The following NRG3 variants were observed in gnomAD, a reference collection of about 807,000 sequenced individuals.
The protein encoded by NRG3 is pro-neuregulin-3, membrane-bound isoform.
In NRG3, 31 loss-of-function variants were observed where a neutral mutation model predicts 66.9. The ratio of observed to expected loss-of-function variants is 0.46; its 90% CI spans 0.35 to 0.63. The LOEUF (loss-of-function observed/expected upper bound fraction) is 0.63, where lower values mean the gene tolerates loss of function less well. Among genes scored for constraint, NRG3 ranks in the 20% least tolerant of loss-of-function variants. The probability of loss-of-function intolerance (pLI) is 0.00; values close to 1 mark genes in which losing one functional copy is unlikely to be tolerated. For synonymous variants in NRG3, 393 were observed against 359.4 expected (o/e 1.09, Z -1.06); for missense variants, 910 against 878.9 (o/e 1.04, Z -0.45).
chr10:82,592,729 T>C (rs538687389), intron 2 of NRG3, among the ~76,000 whole-genome samples: 1 of 152,166 alleles, frequency 6.6e-6, no homozygotes, highest in Non-Finnish European at 1.5e-5. Flanking sequence ...TCAGCTGAGC[T>C]TGTGGAGATT....
In NRG3 at chr10:82,953,637, A is replaced by G. The variant is rs73313224; in HGVS notation, c.1157+2066A>G. ...TTGGTTCCCTTTGTGGTAAAATATG[A>G]ACAAGTATAATATCTACCTTATAGA... On this transcript the variant is annotated intron_variant, in intron 5 of 8. Transcript: ENST00000372141. Among the ~76,000 whole-genome samples the G allele has an allele frequency of 1.8e-3, 271 of 152,078 alleles. 6 individuals carry two copies. Among genetic ancestry groups the G allele is most frequent in the African/African-American group, 6.2e-3 (256 of 41,328 alleles).
chr10:82,177,792 T>C (rs2073142139), intron 1 of NRG3, among the ~76,000 whole-genome samples: 1 of 152,082 alleles, frequency 6.6e-6, no homozygotes, highest in Non-Finnish European at 1.5e-5. Flanking sequence ...CATGAACAAA[T>C]GGGATAAACT....
chr10:82,242,924 G>C (rs1171530050), intron 1 of NRG3, among the ~76,000 whole-genome samples: 1 of 152,194 alleles, frequency 6.6e-6, no homozygotes, highest in Admixed American at 6.5e-5. Context: ...CCTACAGTCT[G>C]ACCCTTTTGA....
intron 4 of NRG3, among the ~76,000 whole-genome samples, chr10:82,873,371 A>AT (rs1293173204): frequency 1.3e-5 from 2 of 152,150 alleles, no homozygotes; most frequent in Non-Finnish European, 2.9e-5. Flanking sequence ...GAGGGAAAAT[A>AT]TAGATTTTTA....
intron 2 of NRG3, among the ~76,000 whole-genome samples, chr10:82,557,109 A>G (rs1052169858): frequency 7.2e-5 from 11 of 152,202 alleles, no homozygotes; most frequent in African/African-American, 2.7e-4. Flanking sequence ...TTACACATGC[A>G]TGTGACTTTA....
intron 1 of NRG3, among the ~76,000 whole-genome samples, chr10:82,356,300 T>C (rs1387735438): frequency 6.6e-6 from 1 of 152,200 alleles, no homozygotes; most frequent in African/African-American, 2.4e-5. Context: ...CTGTAGATTA[T>C]GTTAATGAAA....
chr10:82,353,594 A>T lies in NRG3; in HGVS notation c.824-5145A>T, dbSNP rs181020216. ...CTGGGGATAGAGACCGAAACGTATAAAAAAAATAAGAAAACACATTAAACT... is the reference window on the plus strand; with the variant it reads ...CTGGGGATAGAGACCGAAACGTATATAAAAAATAAGAAAACACATTAAACT... On this transcript the variant is annotated intron_variant, in intron 1 of 8. Transcript: ENST00000372141. Among the ~76,000 whole-genome samples, 26 of 152,186 alleles carry T rather than the reference A, an allele frequency of 1.7e-4. 1 individual carries two copies. The East Asian group carries it at 4.8e-3, about 28-fold the overall frequency.
chr10:82,371,365 G>A (rs1280740588), intron 2 of NRG3, among the ~76,000 whole-genome samples: 2 of 152,252 alleles, frequency 1.3e-5, no homozygotes, highest in South Asian at 2.1e-4. Context: ...CATATGTGAG[G>A]CTATAGAATG....
chr10:82,646,081 A>G (rs932011956), intron 2 of NRG3, among the ~76,000 whole-genome samples: 2 of 152,178 alleles, frequency 1.3e-5, no homozygotes, highest in East Asian at 3.9e-4. Flanking sequence ...ACAATTTTCC[A>G]TGACAAAGAA....
intron 1 of NRG3, among the ~76,000 whole-genome samples, chr10:82,211,676 T>C (rs1357058601): frequency 6.6e-6 from 1 of 152,166 alleles, no homozygotes; most frequent in Non-Finnish European, 1.5e-5. Context: ...AACACCAGTC[T>C]TCAGGACTAT....
intron 2 of NRG3, among the ~76,000 whole-genome samples, chr10:82,714,164 A>C (rs997412754): frequency 1.3e-5 from 2 of 152,246 alleles, no homozygotes; most frequent in Non-Finnish European, 2.9e-5. Flanking sequence ...TGACATATAC[A>C]TGCAATATGC....
chr10:82,898,223 C>T (rs192214253), intron 4 of NRG3, among the ~76,000 whole-genome samples: 1 of 152,340 alleles, frequency 6.6e-6, no homozygotes, highest in East Asian at 1.9e-4. Context: ...CTACAGTGGT[C>T]AGCCACTTAT....
At position 82,133,316 on chromosome 10, in the gene NRG3, A is replaced by G. The variant is rs113882177; in HGVS notation, c.824-225423A>G. Among the ~76,000 whole-genome samples, 356 of 152,130 alleles carry G rather than the reference A, an allele frequency of 2.3e-3. 4 individuals are homozygous for G. The highest frequency in any genetic ancestry group is 8.2e-3 in the African/African-American group (339 of 41,512). On this transcript the variant is annotated intron_variant, in intron 1 of 8. Coordinates refer to ENST00000372141, the MANE Select transcript of NRG3 (RefSeq NM_001010848.4). Reference sequence around the variant, plus strand: ...ATGTGAAGGTTTGTTACATACATAAACTCATGACACAGGGGTTGTTTTACA... The same window carrying G: ...ATGTGAAGGTTTGTTACATACATAAGCTCATGACACAGGGGTTGTTTTACA...
chr10:82,204,461 T>G (rs1412831288), intron 1 of NRG3, among the ~76,000 whole-genome samples: 2 of 152,172 alleles, frequency 1.3e-5, no homozygotes, highest in Non-Finnish European at 2.9e-5. Flanking sequence ...TGTATATGAC[T>G]GAAGAGCAAG....
chr10:82,720,653 T>C lies in NRG3; in HGVS notation c.954-17924T>C, dbSNP rs146937369. 2.6e-5 allele frequency among the ~76,000 whole-genome samples: 4 copies of C among 151,970 alleles called. No individual in the cohort carries two copies. In the East Asian group the frequency reaches 7.8e-4, roughly 30 times the overall value. On this transcript the variant is annotated intron_variant, in intron 2 of 8. Transcript: ENST00000372141. ...CATGAGGGTTACTTTACCTAACCTT[T>C]GTAATGCTCTCAGCACATGGGGATT...
chr10:81,911,726 A>G (rs1215827345), intron 1 of NRG3, among the ~76,000 whole-genome samples: 1 of 130,458 alleles, frequency 7.7e-6, no homozygotes, highest in African/African-American at 3.1e-5. Flanking sequence ...TTTCCCCGTT[A>G]CCACACACAC....
intron 2 of NRG3, among the ~76,000 whole-genome samples, chr10:82,477,434 T>C (rs1191830887): frequency 6.6e-6 from 1 of 152,184 alleles, no homozygotes; most frequent in African/African-American, 2.4e-5. Flanking sequence ...AACTGGATTG[T>C]ATTATTATCC....
chr10:82,728,976 T>G (rs1253244672), intron 2 of NRG3, among the ~76,000 whole-genome samples: 1 of 145,002 alleles, frequency 6.9e-6, no homozygotes, highest in African/African-American at 2.4e-5. Context: ...GGGCAGTGTT[T>G]GTTTGTGTGT....
intron 1 of NRG3, among the ~76,000 whole-genome samples, chr10:82,347,919 G>C (rs1176342653): frequency 6.6e-6 from 1 of 151,698 alleles, no homozygotes; most frequent in African/African-American, 2.4e-5. Context: ...CCATTTGCTT[G>C]GTAGATCTTC....
Sources: allele counts gnomAD v4.1 joint callset (sites outside exome capture counted in the v4.1 genomes callset), GRCh38; gene constraint gnomAD v4.1.1; transcripts MANE v1.5; gene names NCBI Gene and HGNC (gene_info 2026-07-23, HGNC 2026-07-21).